The following SMARCA2 variants were observed in gnomAD, a reference collection of about 807,000 sequenced individuals.
The protein encoded by SMARCA2 is SWI/SNF-related matrix-associated actin-dependent regulator of chromatin subfamily A member 2.
SMARCA2 carries 61 observed loss-of-function variants against 199.8 expected under a neutral mutation model. That is an observed-to-expected ratio of 0.31 (90% CI 0.25 to 0.38). SMARCA2 has a LOEUF of 0.38. SMARCA2 is among the 10% of genes least tolerant of loss of function. The probability of loss-of-function intolerance (pLI) is 1.00; values close to 1 mark genes in which losing one functional copy is unlikely to be tolerated. For synonymous variants in SMARCA2, 935 were observed against 732.0 expected, an observed-to-expected ratio of 1.28 and a Z score of -4.48; for missense variants, 1,344 against 2,012.2, an observed-to-expected ratio of 0.67 and a Z score of 6.35.
intron 23 of SMARCA2, among the ~76,000 whole-genome samples, chr9:2,105,564 T>C (rs1822717995): frequency 6.6e-6 from 1 of 152,152 alleles, no homozygotes; most frequent in African/African-American, 2.4e-5. Flanking sequence ...CCCCTTTACC[T>C]CTCCCCTCCA....
chr9:2,073,541 C>A, intron 11 of SMARCA2, 25 bp from the exon 12 acceptor site: 1 of 1,597,384 alleles, frequency 6.3e-7, no homozygotes, highest in Non-Finnish European at 8.6e-7. Context: ...TAAGCCCCCT[C>A]CTCTTCCTCA....
intron 10 of SMARCA2, 85 bp from the exon 11 acceptor site, chr9:2,073,127 A>G (rs1369199679): frequency 6.6e-7 from 1 of 1,505,226 alleles, no homozygotes; most frequent in Non-Finnish European, 9.0e-7. Context: ...CATGCTGGGC[A>G]GCAAAAACTG....
At chr9:2,041,288 C>A in intron 4 of SMARCA2, 1 of 398,472 alleles carries the variant, frequency 2.5e-6, no homozygotes, top group South Asian at 1.3e-4. Flanking sequence ...AATGAAAGGT[C>A]ATTGACTGGG....
intron 1 of SMARCA2, among the ~76,000 whole-genome samples, chr9:2,028,346 C>A (rs1270816782): frequency 6.7e-6 from 1 of 148,152 alleles, no homozygotes; most frequent in East Asian, 2.0e-4. Flanking sequence ...GTGTTTTTCA[C>A]ACATGTCATT....
intron 27 of SMARCA2, among the ~76,000 whole-genome samples, chr9:2,155,147 T>A (rs1359272224): frequency 6.6e-6 from 1 of 152,198 alleles, no homozygotes; most frequent in Non-Finnish European, 1.5e-5. Flanking sequence ...GGGCCAGACG[T>A]TTTGTGGGCC....
At chr9:2,066,343 G>A (rs182714186) in intron 9 of SMARCA2, among the ~76,000 whole-genome samples, 261 of 152,256 alleles carry the variant, frequency 1.7e-3, no homozygotes, top group Non-Finnish European at 2.3e-3. Context: ...GCTTACACGG[G>A]ATTTTCATAT....
At chr9:2,088,972 G>C (rs117232405) in intron 19 of SMARCA2, among the ~76,000 whole-genome samples, 1 of 149,976 alleles carries the variant, frequency 6.7e-6, no homozygotes, top group South Asian at 2.1e-4. Flanking sequence ...AAGATTTGGC[G>C]TTGGGGACTT....
At chr9:2,177,322 C>T (rs75633075) in intron 29 of SMARCA2, among the ~76,000 whole-genome samples, 2 of 152,280 alleles carry the variant, frequency 1.3e-5, no homozygotes, top group South Asian at 4.1e-4. Flanking sequence ...ATCATGACAT[C>T]ATTTTCTAAT....
chr9:2,069,357 C>A (rs891740793), intron 9 of SMARCA2, among the ~76,000 whole-genome samples: 1 of 151,330 alleles, frequency 6.6e-6, no homozygotes, highest in African/African-American at 2.4e-5. Context: ...GAGATTGAGA[C>A]CATCGTGGCT....
chr9:2,117,464 A>G (rs1339285153), intron 25 of SMARCA2, among the ~76,000 whole-genome samples: 2 of 152,216 alleles, frequency 1.3e-5, no homozygotes, highest in Non-Finnish European at 1.5e-5. Context: ...ACAGATATGG[A>G]GTCAAATTGT....
chr9:2,133,768 G>A (rs564594276), intron 27 of SMARCA2, among the ~76,000 whole-genome samples: 1 of 152,290 alleles, frequency 6.6e-6, no homozygotes, highest in East Asian at 1.9e-4. Flanking sequence ...AGACAGGGCA[G>A]GGTGGCCTCA....
chr9:2,145,661 G>C (rs566158922), intron 27 of SMARCA2, among the ~76,000 whole-genome samples: 9 of 152,108 alleles, frequency 5.9e-5, no homozygotes, highest in Non-Finnish European at 1.2e-4. Context: ...AAATACATTT[G>C]GACTTAGTGT....
intron 10 of SMARCA2, among the ~76,000 whole-genome samples, chr9:2,071,706 T>C (rs1395997279): frequency 2.0e-5 from 3 of 152,240 alleles, no homozygotes; most frequent in Admixed American, 1.3e-4. Context: ...AAGGTTCTAA[T>C]TCCATCTACA....
chr9:2,150,504 G>A (rs10964984), intron 27 of SMARCA2, among the ~76,000 whole-genome samples: 7,257 of 151,644 alleles, frequency 0.048, 465 homozygotes, highest in East Asian at 0.1. Flanking sequence ...TGCTGTGGGT[G>A]GGGCAGTTTC....
chr9:2,092,125 A>G (rs1460966387), intron 19 of SMARCA2, among the ~76,000 whole-genome samples: 3 of 152,208 alleles, frequency 2.0e-5, no homozygotes, highest in African/African-American at 7.2e-5. Context: ...TGATTTTTCT[A>G]TTTAGCTCAC....
intron 23 of SMARCA2, among the ~76,000 whole-genome samples, chr9:2,108,504 C>T (rs1210082335): frequency 6.6e-6 from 1 of 152,204 alleles, no homozygotes; most frequent in African/African-American, 2.4e-5. Flanking sequence ...TGTTGAACTT[C>T]TATCCTGAGA....
At chr9:2,031,482 A>T (rs371306021) in intron 2 of SMARCA2, among the ~76,000 whole-genome samples, 20 of 152,356 alleles carry the variant, frequency 1.3e-4, no homozygotes, top group African/African-American at 4.8e-4. Flanking sequence ...TGTGAGGGAA[A>T]TACTTAGCTA....
intron 30 of SMARCA2, 34 bp downstream of exon 30, chr9:2,181,710 G>A (rs1563835756): frequency 2.8e-6 from 3 of 1,059,092 alleles, no homozygotes; most frequent in Non-Finnish European, 4.4e-6. Flanking sequence ...TATTCTTCAA[G>A]TAAATAAAGG....
chr9:2,063,026 A>G (rs1820672570), intron 9 of SMARCA2, among the ~76,000 whole-genome samples: 1 of 152,154 alleles, frequency 6.6e-6, no homozygotes, highest in South Asian at 2.1e-4. Context: ...CCCATTGATT[A>G]TCTCACATGA....
Sources: allele counts gnomAD v4.1 joint callset (sites outside exome capture counted in the v4.1 genomes callset), GRCh38; gene constraint gnomAD v4.1.1; transcripts MANE v1.5; gene names NCBI Gene and HGNC (gene_info 2026-07-23, HGNC 2026-07-21).